Variants in GABRG3 observed in about 807,000 individuals in gnomAD.
The protein encoded by GABRG3 is gamma-aminobutyric acid receptor subunit gamma-3.
GABRG3 carries 25 observed loss-of-function variants against 48.8 expected under a neutral mutation model. The observed-to-expected ratio is 0.51, with a 90% CI of 0.37 to 0.72. The LOEUF (loss-of-function observed/expected upper bound fraction) is 0.72. Among genes scored for constraint, GABRG3 ranks in the 30% least tolerant of loss-of-function variants. GABRG3 has a pLI of 0.00. For missense variants in GABRG3, 394 were observed against 577.9 expected, an observed-to-expected ratio of 0.68 and a Z score of 3.26; for synonymous variants, 227 against 217.6, an observed-to-expected ratio of 1.04 and a Z score of -0.38.
At chr15:26,983,671 G>T (rs1895096649) in intron 2 of GABRG3, among the ~76,000 whole-genome samples, 1 of 152,156 alleles carries the variant, frequency 6.6e-6, no homozygotes, top group African/African-American at 2.4e-5. Context: ...CTACTCAGGA[G>T]GCTGAGGCAG....
rs945637739 is a variant in GABRG3, at chr15:27,121,571, C to T, written c.270+94750C>T. On this transcript the variant is annotated intron_variant, in intron 3 of 9. Coordinates refer to ENST00000615808, the MANE Select transcript of GABRG3 (RefSeq NM_033223.5). ...GCTGTGCCTGGGGCTGTTCAGCCAG[C>T]CACCACCACAGTGATGCTGTGCACC... Among the ~76,000 whole-genome samples the T allele has an allele frequency of 3.3e-5, 5 of 152,240 alleles. No individual in the cohort carries two copies. In the East Asian group the frequency reaches 9.7e-4, roughly 29 times the overall value.
At chr15:27,080,712 A>G (rs1251978854) in intron 3 of GABRG3, among the ~76,000 whole-genome samples, 1 of 152,222 alleles carries the variant, frequency 6.6e-6, no homozygotes, top group African/African-American at 2.4e-5. Context: ...GATTGCTTAT[A>G]AGCAGTGGCC....
At chr15:27,081,220 G>T (rs1238539608) in intron 3 of GABRG3, among the ~76,000 whole-genome samples, 1 of 152,122 alleles carries the variant, frequency 6.6e-6, no homozygotes, top group African/African-American at 2.4e-5. Context: ...CAGGTGGCTT[G>T]CAAATTAGAA....
intron 3 of GABRG3, among the ~76,000 whole-genome samples, chr15:27,146,648 CA>C (rs1898215098): frequency 6.6e-6 from 1 of 151,812 alleles, no homozygotes; most frequent in Non-Finnish European, 1.5e-5. Context: ...GATAATAGCA[CA>C]AAAGTGAAGA....
At chr15:27,195,961 AT>A (rs1264325729) in intron 3 of GABRG3, among the ~76,000 whole-genome samples, 1 of 152,048 alleles carries the variant, frequency 6.6e-6, no homozygotes, top group Non-Finnish European at 1.5e-5. Context: ...ATGATGGGTA[AT>A]TTTCTATTGT....
At chr15:27,218,335 C>G (rs559006808) in intron 3 of GABRG3, among the ~76,000 whole-genome samples, 6 of 152,260 alleles carry the variant, frequency 3.9e-5, no homozygotes, top group African/African-American at 1.2e-4. Context: ...CAGGAAACTC[C>G]CTTAAGAGGG....
intron 5 of GABRG3, among the ~76,000 whole-genome samples, chr15:27,330,401 T>G (rs1237115411): frequency 6.6e-6 from 1 of 152,272 alleles, no homozygotes; most frequent in African/African-American, 2.4e-5. Flanking sequence ...TTACTTTTGC[T>G]TCTGCTCCTC....
chr15:27,518,195 C>CAAAAAAAAA (rs58222645), intron 6 of GABRG3, among the ~76,000 whole-genome samples: 1,054 of 86,488 alleles, frequency 0.012, 1 homozygote, highest in Non-Finnish European at 0.016. Flanking sequence ...ACTAAAAATA[C>CAAAAAAAAA]AAAAAAAAAA....
chr15:27,096,804 C>T (rs1230366735), intron 3 of GABRG3, among the ~76,000 whole-genome samples: 1 of 151,218 alleles, frequency 6.6e-6, no homozygotes, highest in Non-Finnish European at 1.5e-5. Flanking sequence ...CACTTGTGAA[C>T]CACACAAATG....
intron 2 of GABRG3, among the ~76,000 whole-genome samples, chr15:27,025,278 T>A (rs6606858): frequency 0.66 from 100,818 of 151,998 alleles, 33,550 homozygotes; most frequent in African/African-American, 0.71. Flanking sequence ...CAACCAGAAA[T>A]CTCTCTCACT....
At chr15:27,139,371 G>A (rs1898064809) in intron 3 of GABRG3, among the ~76,000 whole-genome samples, 1 of 152,144 alleles carries the variant, frequency 6.6e-6, no homozygotes. Flanking sequence ...GAGAGAGAGA[G>A]AGAATTTGCT....
intron 3 of GABRG3, among the ~76,000 whole-genome samples, chr15:27,308,707 C>T (rs114755788): frequency 6.7e-5 from 10 of 149,008 alleles, no homozygotes; most frequent in African/African-American, 1.9e-4. Context: ...TGTAAACATA[C>T]GTTTATATGT....
intron 5 of GABRG3, among the ~76,000 whole-genome samples, chr15:27,465,694 C>T (rs1193838698): frequency 1.3e-5 from 2 of 152,158 alleles, no homozygotes. Context: ...CTTATTTATC[C>T]TCCCTGCACT....
intron 2 of GABRG3, among the ~76,000 whole-genome samples, chr15:27,004,182 C>A (rs1435586463): frequency 6.6e-6 from 1 of 151,460 alleles, no homozygotes; most frequent in Non-Finnish European, 1.5e-5. Flanking sequence ...AGGCTCCTCA[C>A]TTCCCAGACG....
intron 3 of GABRG3, among the ~76,000 whole-genome samples, chr15:27,193,439 C>T (rs1235826596): frequency 6.6e-6 from 1 of 151,928 alleles, no homozygotes; most frequent in East Asian, 1.9e-4. Flanking sequence ...GCCCCTCCCC[C>T]AGCCTCACTG....
At chr15:27,315,473 G>A (rs1893181078) in intron 3 of GABRG3, among the ~76,000 whole-genome samples, 3 of 152,152 alleles carry the variant, frequency 2.0e-5, no homozygotes, top group Admixed American at 6.5e-5. Flanking sequence ...TGCAGTAGAA[G>A]GTCCTGGCAC....
chr15:27,051,388 C>A (rs1294988506), intron 3 of GABRG3, among the ~76,000 whole-genome samples: 1 of 152,178 alleles, frequency 6.6e-6, no homozygotes. Flanking sequence ...ATAATGGATA[C>A]ACATTTTGAT....
chr15:27,496,373 GT>G (rs971268357), intron 6 of GABRG3, among the ~76,000 whole-genome samples: 11 of 152,228 alleles, frequency 7.2e-5, no homozygotes, highest in African/African-American at 2.7e-4. Flanking sequence ...TGTCTGAAGT[GT>G]TCTGTTGTGT....
chr15:26,995,472 A>T (rs1196309853), intron 2 of GABRG3, among the ~76,000 whole-genome samples: 2 of 151,150 alleles, frequency 1.3e-5, no homozygotes, highest in African/African-American at 2.4e-5. Flanking sequence ...GTTAGACTTA[A>T]TCTGATGTTT....
Sources: allele counts gnomAD v4.1 joint callset (sites outside exome capture counted in the v4.1 genomes callset), GRCh38; gene constraint gnomAD v4.1.1; transcripts MANE v1.5; gene names NCBI Gene and HGNC (gene_info 2026-07-23, HGNC 2026-07-21).